The following ADA2 variants were observed in gnomAD, a reference collection of about 807,000 sequenced individuals.
ADA2 encodes the protein adenosine deaminase 2.
In ADA2, 29 loss-of-function variants were observed where a neutral mutation model predicts 44.2. That is an observed-to-expected ratio of 0.66 (90% confidence interval 0.49 to 0.89). The LOEUF is 0.89. Among genes scored for constraint, ADA2 ranks in the 40% least tolerant of loss-of-function variants. ADA2 has a pLI of 0.00. For missense variants in ADA2, 637 were observed against 644.8 expected (o/e 0.99, Z 0.13); for synonymous variants, 215 against 234.9 (o/e 0.92, Z 0.77).
chr22:17,214,039 C>CAAA (rs35502604), intron 1 of ADA2: 10,683 of 284,224 alleles, frequency 0.038, 256 homozygotes, highest in East Asian at 0.099. Context: ...AACTCTGTCT[C>CAAA]AAAAAAAAAA....
chr22:17,203,910 G>C (rs1471635000), intron 3 of ADA2, 137 bp from the exon 4 acceptor site: 38 of 649,548 alleles, frequency 5.9e-5, no homozygotes, highest in Admixed American at 5.4e-4. Context: ...GATAAGGAAG[G>C]GGCAAAGGGG....
At position 17,207,240 on chromosome 22, in the gene ADA2, C is replaced by T. The variant is rs751528660; in HGVS notation, c.373G>A (p.Val125Met). ...DIGIVTMDWLVRNVTYRPHCH... is the reference protein window; with the variant it reads ...DIGIVTMDWLMRNVTYRPHCH... ...TGAGGCCTGTAGGTGACATTCCTCA[C>T]CAGCCAGTCCATAGTCACGATGCCA... is the stretch of plus-strand genomic sequence containing the variant. The change falls in exon 3 of 10, where the codon GTG (valine) becomes ATG (methionine). Residue 125 changes from valine (V) to methionine (M), a missense_variant. Transcript: ENST00000399837. 1.2e-6 allele frequency: 2 copies of T among 1,613,202 alleles called. No individual in the cohort carries two copies. The highest frequency in any genetic ancestry group is 1.7e-6 in the Non-Finnish European group (2 of 1,179,236).
At chr22:17,220,386 G>A (rs1263675363), upstream of ADA2, among the ~76,000 whole-genome samples, 1 of 152,138 alleles carries the variant, frequency 6.6e-6, no homozygotes, top group Non-Finnish European at 1.5e-5. Flanking sequence ...CACTGTAGCA[G>A]TGGGGCCTCG....
chr22:17,187,945 A>C (rs1417095119), intron 7 of ADA2, among the ~76,000 whole-genome samples: 1 of 151,768 alleles, frequency 6.6e-6, no homozygotes, highest in Non-Finnish European at 1.5e-5. Context: ...TCTACTAAAA[A>C]TACAAAAAAT....
At chr22:17,221,484 G>A (rs1373465852), upstream of ADA2, among the ~76,000 whole-genome samples, 1 of 152,016 alleles carries the variant, frequency 6.6e-6, no homozygotes, top group Non-Finnish European at 1.5e-5. Flanking sequence ...TCCCCTTGAA[G>A]GGTTTTTTTA....
intron 1 of ADA2, chr22:17,213,628 C>A: frequency 3.6e-6 from 1 of 280,544 alleles, no homozygotes; most frequent in South Asian, 3.4e-5. Flanking sequence ...CTCCCGGAAT[C>A]AATGGGAATG....
chr22:17,205,367 G>A (rs1286817007), intron 3 of ADA2, among the ~76,000 whole-genome samples: 2 of 152,222 alleles, frequency 1.3e-5, no homozygotes, highest in East Asian at 3.9e-4. Context: ...TCCCACCTCA[G>A]CCTCCCGAAG....
At chr22:17,200,621 A>T (rs78833243) in intron 4 of ADA2, among the ~76,000 whole-genome samples, 3 of 152,074 alleles carry the variant, frequency 2.0e-5, no homozygotes, top group African/African-American at 7.2e-5. Context: ...AAGGCCGGGC[A>T]TGGTGGCTCG....
At position 17,209,611 on chromosome 22, in the gene ADA2, A is replaced by G; in HGVS notation, c.67T>C (p.Phe23Leu). The part of the protein sequence containing the change: ...CFLLLAVAMS[F>L]FGSALSIDET... Reference sequence around the variant, plus strand: ...TCTATGGATAGAGCTGAGCCGAAGAAAGACATTGCCACAGCCAACAGCAAG... The same window carrying G: ...TCTATGGATAGAGCTGAGCCGAAGAGAGACATTGCCACAGCCAACAGCAAG... Residue 23 changes from phenylalanine to leucine, a missense_variant, in exon 2 of 10, where the codon TTC becomes CTC. Transcript: ENST00000399837. 1 of 1,614,144 alleles carries G rather than the reference A, an allele frequency of 6.2e-7. No individual in the cohort carries two copies. Among genetic ancestry groups the G allele is most frequent in the Non-Finnish European group, 8.5e-7 (1 of 1,180,030 alleles).
Position 17,195,093 on chromosome 22 carries a change from A to G in ADA2, c.754-3283T>C, listed in dbSNP as rs114055698. Among the ~76,000 whole-genome samples, 1,033 of 152,200 alleles carry G rather than the reference A, an allele frequency of 6.8e-3. 16 individuals are homozygous for G. Among genetic ancestry groups the G allele is most frequent in the African/African-American group, 0.024 (982 of 41,520 alleles). ...ACAATTTACTGTCCCTAGAAGCCCA[A>G]ACCCCTTTTCCTTCATCTTGTCACT... On this transcript the variant is annotated intron_variant, in intron 4 of 9. Transcript: ENST00000399837.
At chr22:17,200,194 C>CAACA (rs1219098986) in intron 4 of ADA2, among the ~76,000 whole-genome samples, 2 of 146,908 alleles carry the variant, frequency 1.4e-5, no homozygotes, top group Non-Finnish European at 3.0e-5. Flanking sequence ...GTCTCAAAAA[C>CAACA]AACAAACAAA....
At position 17,202,773 on chromosome 22, in the gene ADA2, C is replaced by CT. The variant is rs1555886608; in HGVS notation, c.753+789dup. 5.5e-3 allele frequency among the ~76,000 whole-genome samples: 733 copies of CT among 132,702 alleles called. 5 individuals carry two copies. The highest frequency in any genetic ancestry group is 0.015 in the Middle Eastern group (4 of 260). The allele number at this position is 132,702 out of a possible 152,430, so 87.1% of individuals were successfully genotyped here. On this transcript the variant is annotated intron_variant, in intron 4 of 9. Coordinates refer to ENST00000399837, the MANE Select transcript of ADA2 (RefSeq NM_001282225.2). Reference sequence around the variant, plus strand: ...TTTTTCTTTCTCTTTTCCTTTCTTTCTTTTTTTTTTTGTGTGTGTGTGTTT... The same window carrying CT: ...TTTTTCTTTCTCTTTTCCTTTCTTTCTTTTTTTTTTTTGTGTGTGTGTGTTT...
rs1234938640 is a variant in ADA2, at chr22:17,209,645, G to T, written c.33C>A (p.Ala11=). MLVDGPSERP[A]LCFLLLAVAM... Reference sequence around the variant, plus strand: ...CCACAGCCAACAGCAAGAAGCACAGGGCTGGCCGCTCAGATGGGCCATCCA... The same window carrying T: ...CCACAGCCAACAGCAAGAAGCACAGTGCTGGCCGCTCAGATGGGCCATCCA... The change falls in exon 2 of 10, where the codon GCC becomes GCA. Residue 11 remains alanine, a synonymous_variant. Coordinates refer to ENST00000399837, the MANE Select transcript of ADA2 (RefSeq NM_001282225.2). 2 of 1,613,690 alleles carry T rather than the reference G, an allele frequency of 1.2e-6. No homozygotes were observed. The highest frequency in any genetic ancestry group is 1.3e-5 in the African/African-American group (1 of 75,022).
intron 7 of ADA2, among the ~76,000 whole-genome samples, chr22:17,187,326 CT>C (rs112568426): frequency 8.7e-5 from 13 of 149,170 alleles, no homozygotes; most frequent in South Asian, 2.1e-4. Flanking sequence ...GGCTAAAACA[CT>C]TTTTTTTTTG....
intron 2 of ADA2, among the ~76,000 whole-genome samples, chr22:17,208,838 A>ATTTTTTTTTTTTTTTTTTTTTT (rs796662081): frequency 2.0e-4 from 28 of 142,900 alleles, no homozygotes; most frequent in African/African-American, 6.4e-4. Flanking sequence ...AAAAATTAAC[A>ATTTTTTTTTTTTTTTTTTTTTT]TTTTTTGGGG....
chr22:17,219,054 G>A (rs2062500194), intron 1 of ADA2, among the ~76,000 whole-genome samples: 1 of 152,226 alleles, frequency 6.6e-6, no homozygotes, highest in Admixed American at 6.5e-5. Context: ...CTATTAGGGA[G>A]GCTGAGGCAC....
At chr22:17,186,291 T>G (rs756020454) in intron 7 of ADA2, among the ~76,000 whole-genome samples, 73 of 152,292 alleles carry the variant, frequency 4.8e-4, no homozygotes, top group Admixed American at 9.2e-4. Context: ...ATACACATTA[T>G]ATACAGGCAT....
intron 1 of ADA2, chr22:17,214,033 C>G: frequency 2.7e-6 from 1 of 374,856 alleles, no homozygotes; most frequent in Non-Finnish European, 4.8e-6. Flanking sequence ...GAGCGAAACT[C>G]TGTCTCAAAA....
Position 17,189,988 on chromosome 22 carries a change from A to G in ADA2, c.926T>C (p.Met309Thr), listed in dbSNP as rs1484632427. 5 of 1,613,906 alleles carry G rather than the reference A, an allele frequency of 3.1e-6. No homozygotes were observed. Among genetic ancestry groups the G allele is most frequent in the Middle Eastern group, 1.6e-4 (1 of 6,082 alleles). ...CGTGGGGAACTTGATTCGGAGCCCCATGGCCATTCGGATGGATTCTGCGAT... is the reference window on the plus strand; with the variant it reads ...CGTGGGGAACTTGATTCGGAGCCCCGTGGCCATTCGGATGGATTCTGCGAT... ...AVIAESIRMA[M>T]GLRIKFPTVV... Residue 309 changes from methionine to threonine, a missense_variant, in exon 6 of 10, where the codon ATG becomes ACG. Physicochemically the swap from Met to Thr is moderately conservative, Grantham distance 81 (BLOSUM62 -1). Transcript: ENST00000399837.
Sources: gnomAD v4.1 joint callset for allele counts (sites outside exome capture counted in the v4.1 genomes callset) on GRCh38, gnomAD v4.1.1 for gene constraint, MANE v1.5 for transcripts, NCBI Gene and HGNC (gene_info 2026-07-23, HGNC 2026-07-21) for gene names.